Variants in CPNE8 observed in about 807,000 individuals in gnomAD.
The protein encoded by CPNE8 is copine 8.
Under a neutral mutation model 81.5 loss-of-function variants are expected in CPNE8, and 45 were observed. The ratio of observed to expected loss-of-function variants is 0.55; its 90% CI spans 0.44 to 0.71. The LOEUF (loss-of-function observed/expected upper bound fraction) is 0.71. Ranked by LOEUF, CPNE8 falls within the 30% of genes least tolerant of loss-of-function variation. The pLI is 0.00. For missense variants in CPNE8, 594 were observed against 672.1 expected (o/e 0.88, Z 1.28); for synonymous variants, 252 against 226.3 (o/e 1.11, Z -1.02).
At chr12:38,697,472 A>C (rs1939825722) in intron 14 of CPNE8, among the ~76,000 whole-genome samples, 1 of 152,114 alleles carries the variant, frequency 6.6e-6, no homozygotes, top group African/African-American at 2.4e-5. Context: ...TTCACGTATA[A>C]GTTTTTTTGC....
intron 1 of CPNE8, among the ~76,000 whole-genome samples, chr12:38,878,912 G>A (rs1944106913): frequency 6.6e-6 from 1 of 152,102 alleles, no homozygotes; most frequent in Non-Finnish European, 1.5e-5. Flanking sequence ...ATATAGGATG[G>A]TGTATAAAAT....
intron 3 of CPNE8, among the ~76,000 whole-genome samples, chr12:38,852,839 G>T (rs1943667548): frequency 6.6e-6 from 1 of 151,654 alleles, no homozygotes; most frequent in South Asian, 2.1e-4. Flanking sequence ...TAAAACATAA[G>T]CATATATATG....
Position 38,750,943 on chromosome 12 carries a change from T to C in CPNE8, c.722+9904A>G, listed in dbSNP as rs143419947. ...AAATCTCATCTTGAATTCCCACGTG[T>C]TGTGGGAGGGACCTGGTGGGAGGTA... On this transcript the variant is annotated intron_variant, in intron 10 of 19. Coordinates refer to ENST00000331366, the MANE Select transcript of CPNE8 (RefSeq NM_153634.3). Among the ~76,000 whole-genome samples the C allele has an allele frequency of 4.7e-3, 715 of 152,276 alleles. 5 individuals are homozygous for C. The highest frequency in any genetic ancestry group is 0.016 in the African/African-American group (664 of 41,558).
intron 6 of CPNE8, among the ~76,000 whole-genome samples, chr12:38,807,868 A>G (rs1942848129): frequency 6.6e-6 from 1 of 152,030 alleles, no homozygotes; most frequent in Admixed American, 6.6e-5. Flanking sequence ...AAAAGGGCTA[A>G]TATCCAGAAT....
rs142429120 is a variant in CPNE8, at chr12:38,713,028, C to T, written c.915-10107G>A. On this transcript the variant is annotated intron_variant, in intron 13 of 19. Coordinates refer to ENST00000331366, the MANE Select transcript of CPNE8 (RefSeq NM_153634.3). ...CATGAAATTCAGTTAACCCTCACAG[C>T]CACTCTATGAAATAATCATTGTTAT... 1.6e-3 allele frequency among the ~76,000 whole-genome samples: 245 copies of T among 152,000 alleles called. 2 individuals carry two copies. The highest frequency in any genetic ancestry group is 5.6e-3 in the African/African-American group (232 of 41,310).
intron 18 of CPNE8, among the ~76,000 whole-genome samples, chr12:38,672,130 C>T (rs1353284601): frequency 6.6e-6 from 1 of 152,130 alleles, no homozygotes; most frequent in African/African-American, 2.4e-5. Flanking sequence ...AAACACTTCT[C>T]CATTATTCTC....
rs187079081 is a variant in CPNE8, at chr12:38,796,212, G to C, written c.408-19911C>G. Among the ~76,000 whole-genome samples, 194 of 152,228 alleles carry C rather than the reference G, an allele frequency of 1.3e-3. 1 individual carries two copies. Among genetic ancestry groups the C allele is most frequent in the African/African-American group, 4.4e-3 (183 of 41,550 alleles). ...TAAGGCAAAAGAAGCACTTGAACTT[G>C]GGAGGCAGGAGTTGCAGTGAGCCAA... is the stretch of plus-strand genomic sequence containing the variant. On this transcript the variant is annotated intron_variant, in intron 6 of 19. Coordinates refer to ENST00000331366, the MANE Select transcript of CPNE8 (RefSeq NM_153634.3).
chr12:38,755,724 C>T (rs1189515139), intron 10 of CPNE8, among the ~76,000 whole-genome samples: 1 of 152,138 alleles, frequency 6.6e-6, no homozygotes, highest in African/African-American at 2.4e-5. Context: ...CTCTCAGACC[C>T]TTGTCAATGT....
At chr12:38,897,988 G>A (rs548594803) in intron 1 of CPNE8, among the ~76,000 whole-genome samples, 4 of 152,228 alleles carry the variant, frequency 2.6e-5, no homozygotes, top group East Asian at 3.9e-4. Flanking sequence ...CTACACCCAC[G>A]TTCTTCAGCG....
chr12:38,826,590 C>A (rs1943197263), intron 6 of CPNE8, among the ~76,000 whole-genome samples: 1 of 152,152 alleles, frequency 6.6e-6, no homozygotes, highest in South Asian at 2.1e-4. Flanking sequence ...GGTATCTTCA[C>A]CTCTTAGCAA....
At chr12:38,845,184 C>G (rs1943537160) in intron 4 of CPNE8, among the ~76,000 whole-genome samples, 2 of 152,200 alleles carry the variant, frequency 1.3e-5, no homozygotes, top group Non-Finnish European at 2.9e-5. Context: ...CCTTACCAAT[C>G]AGAGATCACC....
chr12:38,900,466 C>T (rs1164288886), intron 1 of CPNE8, among the ~76,000 whole-genome samples: 2 of 152,136 alleles, frequency 1.3e-5, no homozygotes, highest in East Asian at 1.9e-4. Context: ...GAATATAGTA[C>T]ATGGACATGA....
In CPNE8 at chr12:38,735,819, G is replaced by A. The variant is rs112409721; in HGVS notation, c.723-5461C>T. ...TTGCCCCAGTAAACACAAACTATAAGCATATTTTGAGCAAAAATAATTTTT... is the reference window on the plus strand; with the variant it reads ...TTGCCCCAGTAAACACAAACTATAAACATATTTTGAGCAAAAATAATTTTT... On this transcript the variant is annotated intron_variant, in intron 10 of 19. Coordinates refer to ENST00000331366, the MANE Select transcript of CPNE8 (RefSeq NM_153634.3). Among the ~76,000 whole-genome samples the A allele has an allele frequency of 4.2e-3, 638 of 151,862 alleles. 2 individuals carry two copies. Among genetic ancestry groups the A allele is most frequent in the Middle Eastern group, 6.8e-3 (2 of 294 alleles).
intron 17 of CPNE8, 30 bp downstream of exon 17, chr12:38,677,422 C>T (rs769396457): frequency 3.0e-5 from 36 of 1,185,670 alleles, no homozygotes; most frequent in East Asian, 1.6e-4. Flanking sequence ...TGTCACGTAG[C>T]GAGCCCAATA....
chr12:38,848,781 A>T (rs1943596968), intron 3 of CPNE8, 119 bp from the exon 4 acceptor site: 1 of 1,270,536 alleles, frequency 7.9e-7, no homozygotes, highest in Non-Finnish European at 1.0e-6. Context: ...AATAATAGAA[A>T]TTTTTTAGCG....
At chr12:38,655,551 C>T (rs1432351095) in intron 19 of CPNE8, among the ~76,000 whole-genome samples, 1 of 152,076 alleles carries the variant, frequency 6.6e-6, no homozygotes, top group African/African-American at 2.4e-5. Context: ...AGACAAAGAA[C>T]AATCCTGTCT....
chr12:38,753,603 G>A (rs1941395671), intron 10 of CPNE8, among the ~76,000 whole-genome samples: 2 of 152,174 alleles, frequency 1.3e-5, no homozygotes, highest in Non-Finnish European at 2.9e-5. Flanking sequence ...ACAAAACACA[G>A]TCCTTGATTT....
intron 6 of CPNE8, among the ~76,000 whole-genome samples, chr12:38,787,484 A>AT (rs1204620694): frequency 2.1e-4 from 30 of 142,076 alleles, no homozygotes; most frequent in African/African-American, 7.9e-4. Context: ...AAGTGCTTCC[A>AT]TTAAAAAAAA....
intron 16 of CPNE8, 116 bp downstream of exon 16, chr12:38,685,374 T>C (rs779854868): frequency 5.1e-5 from 57 of 1,116,824 alleles, no homozygotes; most frequent in Non-Finnish European, 6.6e-5. Context: ...CCCCACTTTC[T>C]TGGAGGTAAA....
Sources: allele counts gnomAD v4.1 joint callset (sites outside exome capture counted in the v4.1 genomes callset), GRCh38; gene constraint gnomAD v4.1.1; transcripts MANE v1.5; gene names NCBI Gene and HGNC (gene_info 2026-07-23, HGNC 2026-07-21).